The following FN1 variants were observed in gnomAD, a reference collection of about 807,000 sequenced individuals.
FN1 encodes fibronectin.
FN1 carries 106 observed loss-of-function variants against 297.3 expected under a neutral mutation model. The observed-to-expected ratio is 0.36, with a 90% CI of 0.30 to 0.42. The LOEUF is 0.42. Among genes scored for constraint, FN1 ranks in the 10% least tolerant of loss-of-function variants. The probability of loss-of-function intolerance (pLI) is 1.00; values close to 1 mark genes in which losing one functional copy is unlikely to be tolerated. For missense variants in FN1, 2,690 were observed against 3,124.9 expected (o/e 0.86, Z 3.32); for synonymous variants, 1,149 against 1,152.6 (o/e 1.00, Z 0.06).
Position 215,419,587 on chromosome 2 carries a change from G to A in FN1, c.1676-202C>T, listed in dbSNP as rs555832625. ...AAAAAAAAAACCAAAGTACCTATTA[G>A]GAGGAATATTTAGTTTTCTAAAAGG... is the stretch of plus-strand genomic sequence containing the variant. On this transcript the variant is annotated intron_variant, in intron 11 of 45. Coordinates refer to ENST00000354785, the MANE Select transcript of FN1 (RefSeq NM_212482.4). 2.6e-4 allele frequency among the ~76,000 whole-genome samples: 40 copies of A among 151,828 alleles called. 1 individual carries two copies. In the South Asian group the frequency reaches 7.3e-3, roughly 28 times the overall value.
chr2:215,361,334 A>T lies in FN1; in HGVS notation c.*221T>A. The T allele has an allele frequency of 1.7e-6, 1 of 578,810 alleles. No homozygotes were observed. The highest frequency in any genetic ancestry group is 3.1e-6 in the Non-Finnish European group (1 of 323,080). 35.9% of individuals were successfully genotyped at this position (578,810 alleles called of 1,614,324 possible). On this transcript the variant is annotated 3_prime_UTR_variant, in exon 46 of 46. Coordinates refer to ENST00000354785, the MANE Select transcript of FN1 (RefSeq NM_212482.4). ...TGAGCGGTATTGAATACTTCGAAGC[A>T]GAACAGGCAATGTGCAGCCCTCATT...
chr2:215,361,000 C>T lies in FN1; in HGVS notation c.*555G>A, dbSNP rs1426133180. ...AACTGCATACTAAGTGTTTTCAATA[C>T]AATTTTTTCCGTATAAAAATACTGG... On this transcript the variant is annotated 3_prime_UTR_variant, in exon 46 of 46. Coordinates refer to ENST00000354785, the MANE Select transcript of FN1 (RefSeq NM_212482.4). The T allele has an allele frequency of 6.4e-6, 1 of 156,748 alleles. No homozygotes were observed. The highest frequency in any genetic ancestry group is 2.4e-5 in the African/African-American group (1 of 41,388). 9.7% of individuals were successfully genotyped at this position (156,748 alleles called of 1,614,324 possible).
At chr2:215,420,587 C>T in intron 11 of FN1, 86 bp downstream of exon 11, 2 of 1,543,372 alleles carry the variant, frequency 1.3e-6, no homozygotes, top group Non-Finnish European at 9.0e-7. Flanking sequence ...CAACTTCAGT[C>T]ATGTGATTTC....
chr2:215,382,618 C>G (rs2058366373), intron 31 of FN1, among the ~76,000 whole-genome samples: 1 of 152,122 alleles, frequency 6.6e-6, no homozygotes, highest in Admixed American at 6.6e-5. Flanking sequence ...TAACTTGACT[C>G]TAATAAATTG....
chr2:215,408,383 A>T lies in FN1; in HGVS notation c.2343T>A (p.Leu781=), dbSNP rs1413409718. Residue 781 remains leucine (L), a synonymous_variant, in exon 16 of 46, where the codon CTT becomes CTA. Coordinates refer to ENST00000354785, the MANE Select transcript of FN1 (RefSeq NM_212482.4). ...TATSVNIPDL[L]PGRKYIVNVY... ...CATTTACAATGTATTTTCGGCCAGG[A>T]AGCAGGTCAGGGATGTTCACAGAAG... 6.2e-7 allele frequency: 1 copy of T among 1,614,010 alleles called. No homozygotes were observed. Among genetic ancestry groups the T allele is most frequent in the Non-Finnish European group, 8.5e-7 (1 of 1,180,004 alleles).
intron 26 of FN1, among the ~76,000 whole-genome samples, chr2:215,391,252 T>C (rs1372183773): frequency 2.0e-5 from 3 of 152,228 alleles, no homozygotes; most frequent in Non-Finnish European, 1.5e-5. Flanking sequence ...TTTATAAAAA[T>C]GAGAATAAAG....
In FN1 at chr2:215,391,711, C is replaced by T. The variant is rs1461987345; in HGVS notation, c.4173G>A (p.Val1391=). The change falls in exon 26 of 46, where the codon GTG becomes GTA. Residue 1391 remains valine, a synonymous_variant. Coordinates refer to ENST00000354785, the MANE Select transcript of FN1 (RefSeq NM_212482.4). Reference sequence around the variant, plus strand: ...CCTCATTTTTCACAGGTGAGTAACGCACCAGGAAGTTGGTTAAATCAATGG... The same window carrying T: ...CCTCATTTTTCACAGGTGAGTAACGTACCAGGAAGTTGGTTAAATCAATGG... ...PPSIDLTNFL[V]RYSPVKNEED... is the part of the protein sequence containing the mutation. 6.2e-7 allele frequency: 1 copy of T among 1,614,118 alleles called. No homozygotes were observed.
At chr2:215,381,124 TG>T in intron 32 of FN1, 44 bp from the exon 33 acceptor site, 1 of 1,601,834 alleles carries the variant, frequency 6.2e-7, no homozygotes, top group Non-Finnish European at 8.6e-7. Context: ...AAAAGCAAGT[TG>T]TGAAATAAGC....
At chr2:215,378,826 A>G (rs2057759820) in intron 34 of FN1, among the ~76,000 whole-genome samples, 1 of 152,204 alleles carries the variant, frequency 6.6e-6, no homozygotes, top group Non-Finnish European at 1.5e-5. Context: ...ATGCATAACT[A>G]AGTCGATTTA....
Position 215,426,218 on chromosome 2 carries a change from G to A in FN1, c.845-933C>T, listed in dbSNP as rs1232774459. Among the ~76,000 whole-genome samples the A allele has an allele frequency of 3.9e-4, 56 of 142,172 alleles. No homozygotes were observed. The Middle Eastern group carries it at 0.012, about 29-fold the overall frequency. The allele number at this position is 142,172 out of a possible 152,430, so 93.3% of individuals were successfully genotyped here. A position where few individuals can be genotyped will look rare whatever the true frequency, so the allele number is the denominator to read the frequency against. ...GGCTGGAGTGCAGTGGCGCAATCTC[G>A]GCTCACTGCAAGCTCTGCCTCCCGG... On this transcript the variant is annotated intron_variant, in intron 6 of 45. Coordinates refer to ENST00000354785, the MANE Select transcript of FN1 (RefSeq NM_212482.4).
intron 34 of FN1, 82 bp downstream of exon 34, chr2:215,379,048 T>C: frequency 3.5e-6 from 4 of 1,153,960 alleles, no homozygotes; most frequent in Non-Finnish European, 5.3e-6. Context: ...AGATTTATTA[T>C]GATATTATAT....
At chr2:215,410,797 A>G (rs1054432845) in intron 13 of FN1, among the ~76,000 whole-genome samples, 23 of 152,086 alleles carry the variant, frequency 1.5e-4, no homozygotes, top group African/African-American at 4.8e-4. Flanking sequence ...GTGAGCCACC[A>G]CGCCCACCCA....
In FN1 at chr2:215,432,120, C is replaced by G. The variant is rs193140307; in HGVS notation, c.416-156G>C. Reference sequence around the variant, plus strand: ...CAGGGGAAACGTTAACAGGTCTGGTCACTTGGAGTCAATTCAGTTAAGTGT... The same window carrying G: ...CAGGGGAAACGTTAACAGGTCTGGTGACTTGGAGTCAATTCAGTTAAGTGT... On this transcript the variant is annotated intron_variant, in intron 3 of 45. Transcript: ENST00000354785. 1.8e-3 allele frequency among the ~76,000 whole-genome samples: 271 copies of G among 152,146 alleles called. 1 individual carries two copies. Among genetic ancestry groups the G allele is most frequent in the Non-Finnish European group, 3.3e-3 (224 of 68,006 alleles).
At position 215,434,884 on chromosome 2, in the gene FN1, A is replaced by T; in HGVS notation, c.149-60T>A. ...TTTCTCCTTTTCCCAAAATTATGGA[A>T]TTTTCTTCATGTGAATATTGACGTA... On this transcript the variant is annotated intron_variant, in intron 1 of 45. Coordinates refer to ENST00000354785, the MANE Select transcript of FN1 (RefSeq NM_212482.4). The T allele has an allele frequency of 2.2e-5, 34 of 1,577,708 alleles. No homozygotes were observed. In the South Asian group the frequency reaches 3.4e-4, roughly 16 times the overall value.
rs1237578633 is a variant in FN1, at chr2:215,376,573, C to T, written c.5812G>A (p.Asp1938Asn). ...GTCTGGCCATTGGCTGGAACGGCAT[C>T]AACTTGGAAGCCAGTGATCGTCTCA... Reference protein sequence around the residue: ...KTETITGFQVDAVPANGQTPI... With the variant: ...KTETITGFQVNAVPANGQTPI... Residue 1938 changes from aspartate (D) to asparagine (N), a missense_variant, in exon 36 of 46, where the codon GAT becomes AAT. By Grantham distance (23) the Asp-to-Asn change is conservative. Transcript: ENST00000354785. 1 of 1,613,866 alleles carries T rather than the reference C, an allele frequency of 6.2e-7. No homozygotes were observed. The highest frequency in any genetic ancestry group is 1.7e-5 in the Admixed American group (1 of 59,946).
At chr2:215,400,226 C>T (rs1180858838) in intron 20 of FN1, among the ~76,000 whole-genome samples, 1 of 151,708 alleles carries the variant, frequency 6.6e-6, no homozygotes. Context: ...TGAATTATTC[C>T]ACAATAATGG....
chr2:215,399,374 A>G (rs2060709998), intron 20 of FN1, 23 bp from the exon 21 acceptor site: 1 of 1,523,576 alleles, frequency 6.6e-7, no homozygotes, highest in Non-Finnish European at 9.1e-7. Context: ...ATCAATGCAC[A>G]TATTCAAAAC....
chr2:215,392,516 G>C (rs2059820558), intron 25 of FN1: 1 of 249,064 alleles, frequency 4.0e-6, no homozygotes, highest in East Asian at 1.1e-4. Context: ...GAGCATGGTA[G>C]AGTTTATCAA....
intron 5 of FN1, among the ~76,000 whole-genome samples, chr2:215,429,510 TAC>T (rs2066088238): frequency 6.6e-6 from 1 of 152,168 alleles, no homozygotes; most frequent in Non-Finnish European, 1.5e-5. Flanking sequence ...TTCAAACAAA[TAC>T]ACACCCACAT....
Sources: gnomAD v4.1 joint callset for allele counts (sites outside exome capture counted in the v4.1 genomes callset) on GRCh38, gnomAD v4.1.1 for gene constraint, MANE v1.5 for transcripts, NCBI Gene and HGNC (gene_info 2026-07-23, HGNC 2026-07-21) for gene names.